Variants in SLC7A2 observed in about 807,000 individuals in gnomAD.
SLC7A2 encodes cationic amino acid transporter 2.
A neutral mutation model predicts 58.9 loss-of-function variants in SLC7A2; 48 were observed. The ratio of observed to expected loss-of-function variants is 0.82; its 90% CI spans 0.65 to 1.04. The LOEUF (loss-of-function observed/expected upper bound fraction) is 1.04. SLC7A2 is among the 50% of genes least tolerant of loss of function. The pLI is 0.00. For missense variants in SLC7A2, 1,029 were observed against 818.8 expected, an observed-to-expected ratio of 1.26 and a Z score of -3.13; for synonymous variants, 363 against 314.5, an observed-to-expected ratio of 1.15 and a Z score of -1.63.
intron 2 of SLC7A2, among the ~76,000 whole-genome samples, chr8:17,516,470 C>T (rs934228881): frequency 2.0e-5 from 3 of 152,194 alleles, no homozygotes; most frequent in Non-Finnish European, 4.4e-5. Context: ...GTGATGCACC[C>T]ACCTTGGCCA....
chr8:17,548,867 T>C (rs1802305202), intron 5 of SLC7A2, 24 bp downstream of exon 5: 1 of 1,576,834 alleles, frequency 6.3e-7, no homozygotes, highest in African/African-American at 1.4e-5. Context: ...GGTTTTTTTT[T>C]TTCTCCTTCT....
chr8:17,496,176 C>G (rs1251736803), upstream of SLC7A2, among the ~76,000 whole-genome samples: 1 of 152,078 alleles, frequency 6.6e-6, no homozygotes, highest in African/African-American at 2.4e-5. Context: ...GCCTGTAATT[C>G]TCAGCCTGGT....
chr8:17,557,269 A>G (rs1412285533), intron 8 of SLC7A2, among the ~76,000 whole-genome samples: 2 of 152,234 alleles, frequency 1.3e-5, no homozygotes, highest in African/African-American at 2.4e-5. Context: ...ACAGAAAACT[A>G]TATGCTAAAT....
intron 2 of SLC7A2, among the ~76,000 whole-genome samples, chr8:17,509,233 G>A (rs1011933322): frequency 1.3e-5 from 2 of 152,176 alleles, no homozygotes; most frequent in Non-Finnish European, 1.5e-5. Context: ...TTGTATCCAT[G>A]AATCAGAATT....
rs371371621 is a variant in SLC7A2 at position 17,563,572 on chromosome 8, G to C, written c.1672-31G>C. The C allele has an allele frequency of 1.2e-4, 154 of 1,311,288 alleles. 2 individuals carry two copies. In the East Asian group the frequency reaches 2.6e-3, roughly 22 times the overall value. 81.2% of individuals were successfully genotyped at this position (1,311,288 alleles called of 1,614,324 possible). On this transcript the variant is annotated intron_variant, in intron 11 of 12. Coordinates refer to ENST00000494857, the MANE Select transcript of SLC7A2 (RefSeq NM_001370338.1). ...TTGGGGAATATGCTTCAAAATATGA[G>C]TATGTTCAAAAGGATTGTTTTCCCC...
At chr8:17,546,323 A>G (rs151093932) in intron 4 of SLC7A2, among the ~76,000 whole-genome samples, 76 of 152,302 alleles carry the variant, frequency 5.0e-4, no homozygotes, top group African/African-American at 1.7e-3. Flanking sequence ...TCCTTTAATT[A>G]TAGGTGAAGC....
intron 2 of SLC7A2, among the ~76,000 whole-genome samples, chr8:17,541,718 A>C (rs2150734997): frequency 6.6e-6 from 1 of 152,356 alleles, no homozygotes; most frequent in Non-Finnish European, 1.5e-5. Context: ...TTTGCATATA[A>C]GTTGTACATA....
chr8:17,564,894 A>G (rs1474640110), intron 12 of SLC7A2, 56 bp from the exon 13 acceptor site: 1 of 1,393,428 alleles, frequency 7.2e-7, no homozygotes, highest in African/African-American at 1.4e-5. Context: ...CAATAACTTA[A>G]AAGTCATTTT....
chr8:17,521,109 T>G (rs933964080), intron 2 of SLC7A2, among the ~76,000 whole-genome samples: 4 of 152,202 alleles, frequency 2.6e-5, no homozygotes, highest in Non-Finnish European at 5.9e-5. Context: ...TAACTACATT[T>G]TCTTCTACTA....
rs910359491 is a variant in SLC7A2, at chr8:17,566,080, T to C, written c.*934T>C. 6.6e-6 allele frequency: 1 copy of C among 152,212 alleles called. No homozygotes were observed. Among genetic ancestry groups the C allele is most frequent in the African/African-American group, 2.4e-5 (1 of 41,462 alleles). 9.4% of individuals were successfully genotyped at this position (152,212 alleles called of 1,614,324 possible). ...AGAGTTAGACCAATGCTTGAATAAG[T>C]AGACCCCAAGCATCCTTTTCTAAAA... On this transcript the variant is annotated 3_prime_UTR_variant, in exon 13 of 13. Transcript: ENST00000494857.
intron 2 of SLC7A2, among the ~76,000 whole-genome samples, chr8:17,533,056 T>C (rs1343557532): frequency 6.6e-6 from 1 of 152,170 alleles, no homozygotes; most frequent in Non-Finnish European, 1.5e-5. Flanking sequence ...GGTTCTTGGT[T>C]TGCATGTTCT....
At position 17,546,479 on chromosome 8, in the gene SLC7A2, G is replaced by A. The variant is rs144904162; in HGVS notation, c.532+1873G>A. Among the ~76,000 whole-genome samples, 4 of 152,320 alleles carry A rather than the reference G, an allele frequency of 2.6e-5. No individual in the cohort carries two copies. In the East Asian group the frequency reaches 5.8e-4, roughly 22 times the overall value. ...GGAAGTGTATGCTCTGCTTAGATGA[G>A]ATATTCATTGGTGTCTAATCTTCCG... On this transcript the variant is annotated intron_variant, in intron 4 of 12. Transcript: ENST00000494857.
At chr8:17,549,279 T>G (rs1434946343) in intron 5 of SLC7A2, among the ~76,000 whole-genome samples, 1 of 152,210 alleles carries the variant, frequency 6.6e-6, no homozygotes, top group Non-Finnish European at 1.5e-5. Context: ...TATGTGGGTT[T>G]TCTTCTAGAG....
chr8:17,556,875 C>T (rs989867675), intron 8 of SLC7A2, among the ~76,000 whole-genome samples: 1 of 152,136 alleles, frequency 6.6e-6, no homozygotes, highest in Admixed American at 6.5e-5. Context: ...TCCCAAACTG[C>T]AGGGATTACA....
intron 2 of SLC7A2, among the ~76,000 whole-genome samples, chr8:17,530,386 G>A (rs995586594): frequency 2.0e-5 from 3 of 152,052 alleles, no homozygotes; most frequent in African/African-American, 2.4e-5. Context: ...CTTTATGTGA[G>A]CCAGAAGACT....
At chr8:17,542,663 A>AAAAAAG in intron 2 of SLC7A2, among the ~76,000 whole-genome samples, 1 of 151,314 alleles carries the variant, frequency 6.6e-6, no homozygotes, top group Non-Finnish European at 1.5e-5. Flanking sequence ...AAAAAAAAGA[A>AAAAAAG]AAAGAACCTG....
At chr8:17,521,952 A>G (rs763995128) in intron 2 of SLC7A2, among the ~76,000 whole-genome samples, 1 of 152,170 alleles carries the variant, frequency 6.6e-6, no homozygotes, top group Non-Finnish European at 1.5e-5. Context: ...CTTTTAACAG[A>G]GGCTACAGAA....
rs1292123163 is a variant in SLC7A2 at position 17,551,938 on chromosome 8, C to T, written c.1007C>T (p.Pro336Leu). Reference protein sequence around the residue: ...PVAFEYVGWGPAKYVVAAGSL... With the variant: ...PVAFEYVGWGLAKYVVAAGSL... Reference sequence around the variant, plus strand: ...GCGTTTGAATATGTGGGATGGGGTCCTGCCAAATATGTCGTCGCAGCTGGT... The same window carrying T: ...GCGTTTGAATATGTGGGATGGGGTCTTGCCAAATATGTCGTCGCAGCTGGT... The change falls in exon 7 of 13, where the codon CCT (proline) becomes CTT (leucine). Residue 336 changes from proline (P) to leucine (L), a missense_variant. Coordinates refer to ENST00000494857, the MANE Select transcript of SLC7A2 (RefSeq NM_001370338.1). The T allele has an allele frequency of 6.2e-7, 1 of 1,614,044 alleles. No individual in the cohort carries two copies. The highest frequency in any genetic ancestry group is 1.7e-5 in the Admixed American group (1 of 60,008).
intron 2 of SLC7A2, chr8:17,539,007 G>A: frequency 7.9e-7 from 1 of 1,267,390 alleles, no homozygotes; most frequent in Non-Finnish European, 1.1e-6. Flanking sequence ...GGAAGGGAAA[G>A]ATTCATTTCT....
Sources: allele counts gnomAD v4.1 joint callset (sites outside exome capture counted in the v4.1 genomes callset), GRCh38; gene constraint gnomAD v4.1.1; transcripts MANE v1.5; gene names NCBI Gene and HGNC (gene_info 2026-07-23, HGNC 2026-07-21).